FGGY: variants seen among roughly 807,000 people sequenced by gnomAD.
FGGY encodes the protein FGGY carbohydrate kinase domain containing, also known as FGGY carbohydrate kinase domain-containing protein.
FGGY carries 72 observed loss-of-function variants against 71.3 expected under a neutral mutation model. The observed-to-expected ratio is 1.01, with a 90% CI of 0.84 to 1.23. FGGY has a LOEUF of 1.23. Among genes scored for constraint, FGGY ranks in the 50% most tolerant of loss-of-function variants. The pLI is 0.00. For synonymous variants in FGGY, 251 were observed against 250.3 expected (o/e 1.00, Z -0.02); for missense variants, 668 against 682.3 (o/e 0.98, Z 0.23).
rs375712764 is a variant in FGGY, at chr1:59,634,664, G to A, written c.1074-3564G>A. The stretch of plus-strand genomic sequence containing the variant: ...ATTTAAGATCACAAGCAATAGGTCC[G>A]AAAAAAAAAATCTTCTTTGATTCTT... On this transcript the variant is annotated intron_variant, in intron 10 of 15. Transcript: ENST00000303721. 3.2e-4 allele frequency among the ~76,000 whole-genome samples: 47 copies of A among 148,116 alleles called. No individual in the cohort carries two copies. The East Asian group carries it at 8.2e-3, about 26-fold the overall frequency.
At chr1:59,461,042 A>G (rs552131041) in intron 6 of FGGY, among the ~76,000 whole-genome samples, 1 of 152,334 alleles carries the variant, frequency 6.6e-6, no homozygotes, top group East Asian at 1.9e-4. Context: ...CCTGCCAGCT[A>G]CGGAACAAAG....
At chr1:59,423,767 T>C (rs777459161) in intron 5 of FGGY, among the ~76,000 whole-genome samples, 1 of 152,200 alleles carries the variant, frequency 6.6e-6, no homozygotes, top group Non-Finnish European at 1.5e-5. Flanking sequence ...CAAAGATGCC[T>C]TGGAAACCAG....
chr1:59,384,714 C>T lies in FGGY; in HGVS notation c.554+5877C>T, dbSNP rs77129285. On this transcript the variant is annotated intron_variant, in intron 5 of 15. Transcript: ENST00000303721. ...GAACCTGGAGCAAATTATTTACCTC[C>T]CTGAGCCTTATTTCCTCATCCATAA... Among the ~76,000 whole-genome samples, 656 of 152,234 alleles carry T rather than the reference C, an allele frequency of 4.3e-3. 13 individuals are homozygous for T. Among genetic ancestry groups the T allele is most frequent in the Admixed American group, 0.026 (402 of 15,276 alleles).
chr1:59,603,774 AGG>A (rs1316391214), intron 8 of FGGY, among the ~76,000 whole-genome samples: 1 of 152,230 alleles, frequency 6.6e-6, no homozygotes, highest in African/African-American at 2.4e-5. Flanking sequence ...CTTGTCATCA[AGG>A]CCAGAAGGTT....
chr1:59,458,553 CAT>C (rs1447991363), intron 6 of FGGY, among the ~76,000 whole-genome samples: 3 of 152,178 alleles, frequency 2.0e-5, no homozygotes, highest in African/African-American at 4.8e-5. Flanking sequence ...ACACATGACA[CAT>C]GTTTAATTAG....
intron 5 of FGGY, among the ~76,000 whole-genome samples, chr1:59,422,263 G>A (rs139138406): frequency 9.0e-4 from 137 of 152,290 alleles, no homozygotes; most frequent in African/African-American, 3.0e-3. Context: ...CAATAGTTTG[G>A]TGATTTACCA....
intron 14 of FGGY, among the ~76,000 whole-genome samples, chr1:59,703,007 A>G (rs2097722835): frequency 1.3e-5 from 2 of 152,160 alleles, no homozygotes; most frequent in Admixed American, 1.3e-4. Context: ...GTTATTCTAA[A>G]GTGATCTGAG....
chr1:59,674,180 G>C, intron 14 of FGGY, 47 bp downstream of exon 14: 4 of 1,451,604 alleles, frequency 2.8e-6, no homozygotes, highest in Non-Finnish European at 3.8e-6. Flanking sequence ...CCTGTCTGAG[G>C]CCATCCTTCC....
intron 5 of FGGY, among the ~76,000 whole-genome samples, chr1:59,379,399 G>A (rs962866421): frequency 6.6e-6 from 1 of 151,996 alleles, no homozygotes; most frequent in Non-Finnish European, 1.5e-5. Context: ...AGGCCATTGT[G>A]CACAGTGGTA....
At position 59,300,961 on chromosome 1, in the gene FGGY, A is replaced by G. The variant is rs188904236; in HGVS notation, c.-15+3811A>G. 1.4e-3 allele frequency among the ~76,000 whole-genome samples: 214 copies of G among 152,230 alleles called. 2 individuals are homozygous for G. Among genetic ancestry groups the G allele is most frequent in the African/African-American group, 4.7e-3 (195 of 41,578 alleles). On this transcript the variant is annotated intron_variant, in intron 1 of 15. Coordinates refer to ENST00000303721, the MANE Select transcript of FGGY (RefSeq NM_018291.5). ...ATTTGTTTTGATTATTCTAGGTTCT[A>G]TTTCCATATGAATTTTATAATCACT...
In FGGY at chr1:59,467,370, G is replaced by T. The variant is rs140195727; in HGVS notation, c.670+10294G>T. Among the ~76,000 whole-genome samples, 539 of 151,958 alleles carry T rather than the reference G, an allele frequency of 3.5e-3. 2 individuals carry two copies. The highest frequency in any genetic ancestry group is 0.012 in the African/African-American group (478 of 41,438). ...TCGTGGGGTGGGGGAATGGGGGAGG[G>T]ATAGCATTAGAATAAATATCTAATG... On this transcript the variant is annotated intron_variant, in intron 6 of 15. Coordinates refer to ENST00000303721, the MANE Select transcript of FGGY (RefSeq NM_018291.5).
intron 5 of FGGY, among the ~76,000 whole-genome samples, chr1:59,447,394 C>T (rs769591840): frequency 1.6e-4 from 24 of 152,220 alleles, no homozygotes; most frequent in South Asian, 6.2e-4. Flanking sequence ...GGAGCTGAGT[C>T]GGGGAAAGGA....
chr1:59,726,480 GA>G (rs1159374915), intron 14 of FGGY, among the ~76,000 whole-genome samples: 1 of 151,984 alleles, frequency 6.6e-6, no homozygotes, highest in African/African-American at 2.4e-5. Context: ...TATTTTCCTG[GA>G]GGACATGGTA....
intron 11 of FGGY, 152 bp downstream of exon 11, chr1:59,638,527 T>G: frequency 1.2e-6 from 1 of 844,318 alleles, no homozygotes; most frequent in East Asian, 2.6e-5. Flanking sequence ...TGCTGCTCCC[T>G]GGGATGAGCT....
At position 59,340,008 on chromosome 1, in the gene FGGY, T is replaced by C. The variant is rs1286841260; in HGVS notation, c.252T>C (p.Asp84=). 2 of 1,613,382 alleles carry C rather than the reference T, an allele frequency of 1.2e-6. No individual in the cohort carries two copies. Among genetic ancestry groups the C allele is most frequent in the African/African-American group, 2.7e-5 (2 of 74,912 alleles). The change falls in exon 3 of 16, where the codon GAT becomes GAC. Residue 84 remains aspartate (D), a synonymous_variant. Coordinates refer to ENST00000303721, the MANE Select transcript of FGGY (RefSeq NM_018291.5). ...DLNQIRGLGF[D]ATCSLVVLDK... ...ACCAAATTCGAGGACTTGGGTTTGA[T>C]GCCACGTGTTCTCTGGTTGTTTTGG...
At chr1:59,362,239 T>A (rs1178423773) in intron 4 of FGGY, among the ~76,000 whole-genome samples, 5 of 152,220 alleles carry the variant, frequency 3.3e-5, no homozygotes, top group Admixed American at 2.6e-4. Flanking sequence ...TTCCTGTACT[T>A]CTTCTCTTTT....
intron 13 of FGGY, among the ~76,000 whole-genome samples, chr1:59,669,582 A>T (rs561164015): frequency 1.0e-4 from 13 of 129,634 alleles, no homozygotes; most frequent in African/African-American, 3.6e-4. Flanking sequence ...TTTGGTAGAG[A>T]CAGGGTTTCA....
rs571702715 is a variant in FGGY, at chr1:59,651,652, A to C, written c.1222-8567A>C. Among the ~76,000 whole-genome samples the C allele has an allele frequency of 2.7e-5, 4 of 150,888 alleles. No homozygotes were observed. The South Asian group carries it at 8.3e-4, about 31-fold the overall frequency. On this transcript the variant is annotated intron_variant, in intron 11 of 15. Coordinates refer to ENST00000303721, the MANE Select transcript of FGGY (RefSeq NM_018291.5). ...ATTTTGAGCCTATGTGTATCTCTGC[A>C]CGTGAGATGGGTCTCCTGAATACAG...
At chr1:59,315,580 C>T (rs1273924477) in intron 1 of FGGY, 2 of 152,140 alleles carry the variant, frequency 1.3e-5, no homozygotes, top group East Asian at 3.8e-4. Flanking sequence ...AAAGATTGTT[C>T]TGCTCTTCCA....
Sources: allele counts gnomAD v4.1 joint callset (sites outside exome capture counted in the v4.1 genomes callset), GRCh38; gene constraint gnomAD v4.1.1; transcripts MANE v1.5; gene names NCBI Gene and HGNC (gene_info 2026-07-23, HGNC 2026-07-21).